PANX1: variants seen among roughly 807,000 people sequenced by gnomAD.
PANX1 encodes pannexin 1.
Under a neutral mutation model 38.7 loss-of-function variants are expected in PANX1, and 30 were observed. The observed-to-expected ratio is 0.78, with a 90% CI of 0.58 to 1.05. PANX1 has a LOEUF of 1.05. PANX1 is among the 50% of genes least tolerant of loss of function. The pLI is 0.00. For missense variants in PANX1, 551 were observed against 517.2 expected (o/e 1.07, Z -0.63); for synonymous variants, 230 against 212.2 (o/e 1.08, Z -0.73).
chr11:94,156,812 G>A (rs1358745437), intron 2 of PANX1, among the ~76,000 whole-genome samples: 2 of 151,022 alleles, frequency 1.3e-5, no homozygotes, highest in African/African-American at 4.9e-5. Flanking sequence ...TGCCATGTTG[G>A]TGTGCTGCAC....
rs1947136725 is a variant in PANX1 at position 94,169,233 on chromosome 11, G to T, written c.322-9136G>T. On this transcript the variant is annotated intron_variant, in intron 2 of 4. Coordinates refer to ENST00000227638, the MANE Select transcript of PANX1 (RefSeq NM_015368.4). Reference sequence around the variant, plus strand: ...AAGGTCTGAGGGCTGCTCCAACATGGAGAGAGGGTGGGGTAGGACCAGTCA... The same window carrying T: ...AAGGTCTGAGGGCTGCTCCAACATGTAGAGAGGGTGGGGTAGGACCAGTCA... Among the ~76,000 whole-genome samples the T allele has an allele frequency of 1.3e-5, 2 of 151,592 alleles. 1 individual carries two copies. The highest frequency in any genetic ancestry group is 4.9e-5 in the African/African-American group (2 of 40,898).
chr11:94,159,826 T>C (rs1947000776), intron 2 of PANX1, among the ~76,000 whole-genome samples: 1 of 151,954 alleles, frequency 6.6e-6, no homozygotes, highest in South Asian at 2.1e-4. Context: ...TGTTAGCGTG[T>C]CAATTTTAGA....
chr11:94,134,323 T>C (rs533893602), intron 1 of PANX1, among the ~76,000 whole-genome samples: 9 of 152,260 alleles, frequency 5.9e-5, no homozygotes, highest in Admixed American at 4.6e-4. Flanking sequence ...CACATTTCAT[T>C]GATGGGGGGA....
At chr11:94,176,911 A>C (rs1450716168) in intron 2 of PANX1, among the ~76,000 whole-genome samples, 1 of 151,668 alleles carries the variant, frequency 6.6e-6, no homozygotes, top group Non-Finnish European at 1.5e-5. Flanking sequence ...CCATCTATAG[A>C]GTCCCTGCCA....
chr11:94,180,013 T>C lies in PANX1; in HGVS notation c.957T>C (p.His319=), dbSNP rs770365660. ...YEILPTFDVL[H]FKSEGYNDLS... ...TCCTCCCCACTTTTGATGTTCTGCA[T>C]TTCAAATCTGAAGGGTACAACGATT... The change falls in exon 4 of 5, where the codon CAT becomes CAC. Residue 319 remains histidine (H), a synonymous_variant. Transcript: ENST00000227638. 27 of 1,599,426 alleles carry C rather than the reference T, an allele frequency of 1.7e-5. No individual in the cohort carries two copies. Among genetic ancestry groups the C allele is most frequent in the Non-Finnish European group, 2.3e-5 (27 of 1,170,340 alleles).
chr11:94,152,937 C>A (rs926005912), intron 1 of PANX1, among the ~76,000 whole-genome samples: 31 of 152,168 alleles, frequency 2.0e-4, no homozygotes, highest in African/African-American at 7.5e-4. Flanking sequence ...ACCAGTTGGG[C>A]TGCAGTTTCA....
intron 2 of PANX1, among the ~76,000 whole-genome samples, chr11:94,158,841 A>G (rs1166330084): frequency 6.6e-6 from 1 of 152,110 alleles, no homozygotes; most frequent in South Asian, 2.1e-4. Context: ...TTCAAAGGGA[A>G]TGCTTCCAGT....
At chr11:94,163,944 A>G (rs1022649745) in intron 2 of PANX1, among the ~76,000 whole-genome samples, 1 of 152,018 alleles carries the variant, frequency 6.6e-6, no homozygotes, top group Non-Finnish European at 1.5e-5. Context: ...GTATTTCTTC[A>G]TGGTCCAATC....
intron 2 of PANX1, among the ~76,000 whole-genome samples, chr11:94,164,039 TA>T (rs1412361294): frequency 1.3e-5 from 2 of 152,262 alleles, no homozygotes; most frequent in African/African-American, 4.8e-5. Flanking sequence ...TAATAGTCTT[TA>T]GTGATCCTTT....
chr11:94,178,246 A>G (rs1485495927), intron 2 of PANX1, 123 bp from the exon 3 acceptor site: 2 of 719,418 alleles, frequency 2.8e-6, no homozygotes, highest in Non-Finnish European at 4.8e-6. Flanking sequence ...TTATTAGGTA[A>G]TGAGCCCAAT....
intron 1 of PANX1, among the ~76,000 whole-genome samples, chr11:94,137,926 AT>A (rs554187012): frequency 1.0e-5 from 1 of 99,250 alleles, no homozygotes; most frequent in Non-Finnish European, 2.0e-5. Flanking sequence ...GTTGTACATG[AT>A]TTTTTTTGTT....
intron 2 of PANX1, among the ~76,000 whole-genome samples, chr11:94,163,911 T>A (rs914232284): frequency 1.3e-5 from 2 of 152,208 alleles, no homozygotes; most frequent in African/African-American, 2.4e-5. Flanking sequence ...CCTTGTTACT[T>A]GCTATTGGTC....
At chr11:94,169,316 T>C (rs1947137332) in intron 2 of PANX1, among the ~76,000 whole-genome samples, 1 of 151,376 alleles carries the variant, frequency 6.6e-6, no homozygotes, top group African/African-American at 2.5e-5. Context: ...TGCTGTATGC[T>C]TGAAAGGCAG....
intron 2 of PANX1, among the ~76,000 whole-genome samples, chr11:94,155,386 T>C (rs991432674): frequency 2.0e-5 from 3 of 149,232 alleles, no homozygotes; most frequent in Non-Finnish European, 4.4e-5. Context: ...TGCTGGTGCA[T>C]GCCTGTAGTC....
chr11:94,173,087 G>C (rs1002029747), intron 2 of PANX1, among the ~76,000 whole-genome samples: 1 of 151,782 alleles, frequency 6.6e-6, no homozygotes, highest in African/African-American at 2.4e-5. Context: ...AGGATTGTCT[G>C]TAAGTGCGGT....
intron 2 of PANX1, among the ~76,000 whole-genome samples, chr11:94,163,030 A>G (rs1280330232): frequency 6.6e-6 from 1 of 151,974 alleles, no homozygotes; most frequent in Non-Finnish European, 1.5e-5. Flanking sequence ...GCACCACTGC[A>G]TGTGGCTAAT....
intron 2 of PANX1, among the ~76,000 whole-genome samples, chr11:94,163,894 G>C (rs1004602791): frequency 5.3e-5 from 8 of 152,100 alleles, no homozygotes; most frequent in Non-Finnish European, 1.0e-4. Flanking sequence ...TATTATTACT[G>C]CCTCTCCCTT....
At chr11:94,164,115 C>T (rs564749774) in intron 2 of PANX1, among the ~76,000 whole-genome samples, 14 of 142,842 alleles carry the variant, frequency 9.8e-5, no homozygotes, top group African/African-American at 3.8e-4. Flanking sequence ...TTTGGTCTTT[C>T]TTTTTTTTTT....
At chr11:94,137,222 TGAA>T (rs1468334125) in intron 1 of PANX1, among the ~76,000 whole-genome samples, 1 of 152,098 alleles carries the variant, frequency 6.6e-6, no homozygotes, top group Non-Finnish European at 1.5e-5. Context: ...GAGAATCGCT[TGAA>T]CGCGGGAGGC....
Sources: gnomAD v4.1 joint callset for allele counts (sites outside exome capture counted in the v4.1 genomes callset) on GRCh38, gnomAD v4.1.1 for gene constraint, MANE v1.5 for transcripts, NCBI Gene and HGNC (gene_info 2026-07-23, HGNC 2026-07-21) for gene names.